The following PRDM15 variants were observed in gnomAD, a reference collection of about 807,000 sequenced individuals.
PRDM15 encodes PR domain zinc finger protein 15.
A neutral mutation model predicts 128.6 loss-of-function variants in PRDM15; 64 were observed. The observed-to-expected ratio is 0.50, with a 90% CI of 0.41 to 0.61. PRDM15 has a LOEUF of 0.61. PRDM15 is among the 20% of genes least tolerant of loss of function. PRDM15 has a pLI of 0.00. For synonymous variants in PRDM15, 615 were observed against 621.8 expected, an observed-to-expected ratio of 0.99 and a Z score of 0.16; for missense variants, 1,242 against 1,569.1, an observed-to-expected ratio of 0.79 and a Z score of 3.52.
intron 19 of PRDM15, chr21:41,812,535 G>C (rs2061898000): frequency 6.6e-6 from 1 of 152,162 alleles, no homozygotes; most frequent in South Asian, 2.1e-4. Context: ...GAACTTGAGA[G>C]GGTGAAGACG....
chr21:41,843,006 A>AACTCCTGACCTCAGGTGAT (rs1224560127), intron 6 of PRDM15, among the ~76,000 whole-genome samples: 1 of 151,296 alleles, frequency 6.6e-6, no homozygotes, highest in Non-Finnish European at 1.5e-5. Flanking sequence ...GCTGGTCTCA[A>AACTCCTGACCTCAGGTGAT]ACTCCTGACC....
At chr21:41,822,178 C>CA in intron 14 of PRDM15, 141 bp from the exon 15 acceptor site, 1 of 1,165,078 alleles carries the variant, frequency 8.6e-7, no homozygotes, top group Non-Finnish European at 1.2e-6. Flanking sequence ...TAACGAGCTA[C>CA]ACTTGTGCCC....
intron 21 of PRDM15, among the ~76,000 whole-genome samples, chr21:41,807,026 TCACCAA>T (rs945494086): frequency 1.2e-4 from 17 of 147,012 alleles, no homozygotes; most frequent in Non-Finnish European, 2.4e-4. Context: ...AACACCACCA[TCACCAA>T]CACCAGGTCC....
intron 1 of PRDM15, among the ~76,000 whole-genome samples, chr21:41,877,782 C>T (rs1428722935): frequency 1.3e-5 from 2 of 152,188 alleles, no homozygotes; most frequent in Admixed American, 6.5e-5. Context: ...ATAACCGTCC[C>T]GCCTGCTTCC....
Position 41,860,348 on chromosome 21 carries a change from TCCCATCTTCAG to T in PRDM15, c.5_15del (p.Ala2GlufsTer10). On this transcript the variant is annotated frameshift_variant, in exon 2 of 24. Transcript: ENST00000398548. LOFTEE classifies it high-confidence loss of function. ...TTACAGATGAACATGATCTCTTCGC[TCCCATCTTCAG>T]CCATCTCTGACACCTGTCAGGATAC... The T allele has an allele frequency of 6.2e-7, 1 of 1,613,978 alleles. No individual in the cohort carries two copies. The highest frequency in any genetic ancestry group is 8.5e-7 in the Non-Finnish European group (1 of 1,179,866).
intron 11 of PRDM15, among the ~76,000 whole-genome samples, chr21:41,831,685 C>T (rs1483133018): frequency 1.3e-5 from 2 of 152,192 alleles, no homozygotes; most frequent in Non-Finnish European, 2.9e-5. Flanking sequence ...GAAATCTATG[C>T]CCCATGGGTG....
intron 1 of PRDM15, among the ~76,000 whole-genome samples, chr21:41,876,502 C>T (rs1027852760): frequency 6.6e-6 from 1 of 152,176 alleles, no homozygotes; most frequent in East Asian, 1.9e-4. Flanking sequence ...TAGAGGCTCC[C>T]GCAGCTGCTG....
Position 41,811,209 on chromosome 21 carries a change from A to C in PRDM15, c.2393-373T>G. On this transcript the variant is annotated intron_variant, in intron 19 of 23. Coordinates refer to ENST00000398548, the MANE Select transcript of PRDM15 (RefSeq NM_001040424.3). The surrounding 1 kb of genome is among the most constrained non-coding windows in gnomAD (Gnocchi z 4.1). ...CTTAGGCAGCACATGTGATATTACA[A>C]TGAGAGAGGAAATGGTAACTGAAAT... The C allele has an allele frequency of 5.0e-6, 1 of 201,758 alleles. No individual in the cohort carries two copies. The highest frequency in any genetic ancestry group is 2.3e-5 in the African/African-American group (1 of 44,300). 12.5% of individuals were successfully genotyped at this position (201,758 alleles called of 1,614,324 possible).
chr21:41,806,039 C>CCACCACCAT (rs2061569685), intron 21 of PRDM15, among the ~76,000 whole-genome samples: 1 of 29,070 alleles, frequency 3.4e-5, no homozygotes, highest in Admixed American at 3.2e-4. Context: ...ACCATCACCA[C>CCACCACCAT]CACCATCACC....
At chr21:41,815,985 C>T in intron 18 of PRDM15, 149 bp from the exon 19 acceptor site, 1 of 976,246 alleles carries the variant, frequency 1.0e-6, no homozygotes, top group Non-Finnish European at 1.5e-6. Context: ...GGTCAGTCCA[C>T]CAGCGGTGAG....
chr21:41,834,487 T>C, intron 11 of PRDM15: 1 of 1,548,656 alleles, frequency 6.5e-7, no homozygotes, highest in Non-Finnish European at 8.7e-7. Flanking sequence ...AAGGACGGGG[T>C]GGGCGTCGAA....
rs899594916 is a variant in PRDM15, at chr21:41,854,837, A to G, written c.286-19T>C. 6.3e-7 allele frequency: 1 copy of G among 1,588,238 alleles called. No homozygotes were observed. Among genetic ancestry groups the G allele is most frequent in the Non-Finnish European group, 8.6e-7 (1 of 1,163,104 alleles). ...GGAACACCTGAAGGTGAGTCGGCCC[A>G]TGGAGAAGCCGGGGAAATGGCTGAT... On this transcript the variant is annotated intron_variant, in intron 4 of 23. Coordinates refer to ENST00000398548, the MANE Select transcript of PRDM15 (RefSeq NM_001040424.3). The surrounding 1 kb of genome is among the most constrained non-coding windows in gnomAD (Gnocchi z 4.6).
rs1404099627 is a variant in PRDM15 at position 41,801,101 on chromosome 21, T to C, written c.*139A>G. On this transcript the variant is annotated 3_prime_UTR_variant, in exon 24 of 24. Transcript: ENST00000398548. The stretch of plus-strand genomic sequence containing the variant: ...GACCGTAATGGTTGCTGGCGGGGGA[T>C]CTGGAGATACTCTGCAAAGCTAAGT... 2 of 1,241,082 alleles carry C rather than the reference T, an allele frequency of 1.6e-6. No homozygotes were observed. Among genetic ancestry groups the C allele is most frequent in the East Asian group, 2.4e-5 (1 of 41,654 alleles). The allele number at this position is 1,241,082 out of a possible 1,614,324, so 76.9% of individuals were successfully genotyped here.
At chr21:41,878,937 G>T (rs1356986658) in intron 1 of PRDM15, 2 of 958,254 alleles carry the variant, frequency 2.1e-6, no homozygotes, top group Non-Finnish European at 2.5e-6. Flanking sequence ...GCGGGCGGGG[G>T]GCGCGAGGCA....
intron 1 of PRDM15, among the ~76,000 whole-genome samples, chr21:41,873,938 C>T (rs746665717): frequency 2.0e-5 from 3 of 151,898 alleles, no homozygotes; most frequent in Non-Finnish European, 2.9e-5. Flanking sequence ...CATAGCTACT[C>T]GGGAGGCTGA....
chr21:41,822,584 T>C (rs377196672), intron 14 of PRDM15, among the ~76,000 whole-genome samples: 1 of 152,188 alleles, frequency 6.6e-6, no homozygotes, highest in Non-Finnish European at 1.5e-5. Context: ...TTTGGAGAGA[T>C]AAAATGCGAC....
In PRDM15 at chr21:41,828,919, C is replaced by G. The variant is rs2062570576; in HGVS notation, c.1367-586G>C. ...CACACACCACACAAATACAAACACA[C>G]TCAACACACACCCCCCACACAAATA... On this transcript the variant is annotated intron_variant, in intron 11 of 23. Transcript: ENST00000398548. The surrounding 1 kb of genome is among the most constrained non-coding windows in gnomAD (Gnocchi z 5.7). Among the ~76,000 whole-genome samples, 2 of 151,562 alleles carry G rather than the reference C, an allele frequency of 1.3e-5. No individual in the cohort carries two copies. The highest frequency in any genetic ancestry group is 2.4e-5 in the African/African-American group (1 of 41,204).
intron 6 of PRDM15, among the ~76,000 whole-genome samples, chr21:41,846,326 A>C (rs1047176846): frequency 6.6e-6 from 1 of 152,260 alleles, no homozygotes; most frequent in Non-Finnish European, 1.5e-5. Flanking sequence ...ATAAACAGAA[A>C]GTTCCCAGAG....
At chr21:41,805,482 C>A (rs1348929640) in intron 21 of PRDM15, among the ~76,000 whole-genome samples, 5 of 152,168 alleles carry the variant, frequency 3.3e-5, no homozygotes, top group African/African-American at 1.2e-4. Context: ...GAGAGAAGTG[C>A]ATCATTAAAT....
Sources: gnomAD v4.1 joint callset for allele counts (sites outside exome capture counted in the v4.1 genomes callset) on GRCh38, gnomAD v4.1.1 for gene constraint, Gnocchi (gnomAD v3.1) non-coding constraint, MANE v1.5 for transcripts, NCBI Gene and HGNC (gene_info 2026-07-23, HGNC 2026-07-21) for gene names.